The following SLC71A2 variants were observed in gnomAD, a reference collection of about 807,000 sequenced individuals.
SLC71A2 encodes hippocampus abundant transcript-like 1.
At chr9:94,439,239 C>A in the SLC71A2 span, among the ~76,000 whole-genome samples, 1 of 151,794 alleles carries the variant, frequency 6.6e-6, no homozygotes, top group African/African-American at 2.4e-5. Flanking sequence ...TGAACTGACT[C>A]CTGGTTATCC....
At chr9:94,420,846 C>T in the SLC71A2 span, among the ~76,000 whole-genome samples, 1 of 151,928 alleles carries the variant, frequency 6.6e-6, no homozygotes, top group African/African-American at 2.4e-5. Context: ...TTGTGGTGAG[C>T]CGAGATCATG....
the SLC71A2 span, chr9:94,458,294 T>G: frequency 1.9e-6 from 3 of 1,588,960 alleles, no homozygotes; most frequent in Admixed American, 5.6e-5. Context: ...CTGAGAAGAC[T>G]GGCATTATTT....
At chr9:94,456,277 A>G in the SLC71A2 span, 1 of 1,614,122 alleles carries the variant, frequency 6.2e-7, no homozygotes, top group Non-Finnish European at 8.5e-7. Context: ...TGCCATGTCC[A>G]GCATCACGTT....
chr9:94,450,963 G>A, the SLC71A2 span, among the ~76,000 whole-genome samples: 1 of 152,160 alleles, frequency 6.6e-6, no homozygotes, highest in African/African-American at 2.4e-5. Flanking sequence ...TACCGCCAGA[G>A]AGCCTGATTT....
the SLC71A2 span, among the ~76,000 whole-genome samples, chr9:94,419,731 C>T: frequency 6.6e-6 from 1 of 152,186 alleles, no homozygotes; most frequent in Admixed American, 6.5e-5. Context: ...TGTGCCACTA[C>T]ACTTGGCCAT....
At chr9:94,454,674 A>G in the SLC71A2 span, among the ~76,000 whole-genome samples, 5 of 152,120 alleles carry the variant, frequency 3.3e-5, no homozygotes, top group Admixed American at 1.3e-4. Context: ...ACATATGCTA[A>G]TTTTTAGAGA....
At chr9:94,400,456 G>A in the SLC71A2 span, among the ~76,000 whole-genome samples, 2 of 148,924 alleles carry the variant, frequency 1.3e-5, no homozygotes, top group South Asian at 2.2e-4. Context: ...TTTCTATGGG[G>A]AAATTGAGCC....
At chr9:94,454,042 G>T in the SLC71A2 span, 12 of 1,613,806 alleles carry the variant, frequency 7.4e-6, no homozygotes, top group Non-Finnish European at 1.0e-5. Context: ...GCTCCAGTTA[G>T]CCTGGTACGG....
chr9:94,394,636 T>C, the SLC71A2 span, among the ~76,000 whole-genome samples: 1 of 69,260 alleles, frequency 1.4e-5, no homozygotes, highest in African/African-American at 4.0e-5. Flanking sequence ...TTAGTAGAGA[T>C]GGGGTTTTAC....
chr9:94,387,426 T>TG, the SLC71A2 span, among the ~76,000 whole-genome samples: 19 of 138,296 alleles, frequency 1.4e-4, no homozygotes, highest in Non-Finnish European at 3.1e-5. Flanking sequence ...CCTGGTTTGC[T>TG]ATTTTTTTTT....
chr9:94,386,847 T>A, the SLC71A2 span, among the ~76,000 whole-genome samples: 1 of 152,232 alleles, frequency 6.6e-6, no homozygotes, highest in Non-Finnish European at 1.5e-5. Context: ...TTTTGATTAC[T>A]GTTAACTATT....
At chr9:94,378,794 CA>C in the SLC71A2 span, among the ~76,000 whole-genome samples, 7 of 151,926 alleles carry the variant, frequency 4.6e-5, no homozygotes, top group East Asian at 1.4e-3. Flanking sequence ...GACAGATATC[CA>C]AATGCTATCT....
the SLC71A2 span, among the ~76,000 whole-genome samples, chr9:94,441,713 G>A: frequency 6.6e-6 from 1 of 151,994 alleles, no homozygotes; most frequent in African/African-American, 2.4e-5. Context: ...TAGTGGTTGT[G>A]TGTTTTGGAC....
the SLC71A2 span, among the ~76,000 whole-genome samples, chr9:94,387,276 C>G: frequency 2.0e-5 from 3 of 152,150 alleles, no homozygotes; most frequent in Non-Finnish European, 4.4e-5. Flanking sequence ...CTTTTGAAAT[C>G]TACTGTTCTA....
chr9:94,450,544 C>T, the SLC71A2 span, among the ~76,000 whole-genome samples: 3 of 137,280 alleles, frequency 2.2e-5, no homozygotes, highest in African/African-American at 8.8e-5. Flanking sequence ...GGCTGGAATA[C>T]AGTGGCACAA....
the SLC71A2 span, among the ~76,000 whole-genome samples, chr9:94,388,130 A>G: frequency 4.8e-5 from 4 of 82,942 alleles, no homozygotes. Context: ...GCGTGGTAAT[A>G]TGTTCCCTGA....
the SLC71A2 span, among the ~76,000 whole-genome samples, chr9:94,444,038 T>C: frequency 6.6e-6 from 1 of 152,208 alleles, no homozygotes; most frequent in Non-Finnish European, 1.5e-5. Flanking sequence ...GTTTTTTAAT[T>C]CAGTTGGGAG....
the SLC71A2 span, among the ~76,000 whole-genome samples, chr9:94,456,582 C>G: frequency 6.6e-6 from 1 of 151,410 alleles, no homozygotes; most frequent in Non-Finnish European, 1.5e-5. Flanking sequence ...TAGAACTATT[C>G]ATTTTCCCTT....
At chr9:94,409,952 C>T in the SLC71A2 span, among the ~76,000 whole-genome samples, 1 of 138,094 alleles carries the variant, frequency 7.2e-6, no homozygotes, top group Non-Finnish European at 1.6e-5. Flanking sequence ...TTCAGTGTTA[C>T]TGAAGTCTTC....
Sources: allele counts gnomAD v4.1 joint callset (sites outside exome capture counted in the v4.1 genomes callset), GRCh38; gene constraint gnomAD v4.1.1; transcripts MANE v1.5; gene names NCBI Gene and HGNC (gene_info 2026-07-23, HGNC 2026-07-21).